EPHA6: variants seen among roughly 807,000 people sequenced by gnomAD.
EPHA6 encodes EPH receptor A6, also known as ephrin type-A receptor 6.
A neutral mutation model predicts 112.0 loss-of-function variants in EPHA6; 50 were observed. That is an observed-to-expected ratio of 0.45 (90% CI 0.36 to 0.56). EPHA6 has a LOEUF of 0.56. Among genes scored for constraint, EPHA6 ranks in the 20% least tolerant of loss-of-function variants. The pLI is 0.00. For synonymous variants in EPHA6, 529 were observed against 490.7 expected (o/e 1.08, Z -1.03); for missense variants, 1,280 against 1,417.4 (o/e 0.90, Z 1.56).
At chr3:97,364,593 CAT>C (rs1409376495) in intron 5 of EPHA6, among the ~76,000 whole-genome samples, 2 of 151,858 alleles carry the variant, frequency 1.3e-5, no homozygotes, top group African/African-American at 4.8e-5. Context: ...AATATAAAAA[CAT>C]AATTTATTTC....
At chr3:96,969,949 CAT>C (rs2042254150) in intron 2 of EPHA6, among the ~76,000 whole-genome samples, 1 of 151,492 alleles carries the variant, frequency 6.6e-6, no homozygotes, top group African/African-American at 2.4e-5. Context: ...TCATTTATTT[CAT>C]ATGTGATGTT....
At chr3:97,179,874 C>T (rs116229703) in intron 3 of EPHA6, among the ~76,000 whole-genome samples, 2,087 of 151,992 alleles carry the variant, frequency 0.014, 45 homozygotes, top group African/African-American at 0.045. Context: ...TCACACAAGG[C>T]GTGCTGTAAC....
intron 1 of EPHA6, among the ~76,000 whole-genome samples, chr3:96,858,391 A>T (rs1228405754): frequency 2.0e-5 from 3 of 152,144 alleles, no homozygotes; most frequent in Non-Finnish European, 4.4e-5. Flanking sequence ...AGCAAAGTAT[A>T]GAACCCAGGA....
At chr3:97,702,075 GTAAC>G (rs1166749012) in intron 14 of EPHA6, among the ~76,000 whole-genome samples, 1 of 152,150 alleles carries the variant, frequency 6.6e-6, no homozygotes, top group African/African-American at 2.4e-5. Flanking sequence ...CAAGGCTAGT[GTAAC>G]TTGCCTGTCA....
intron 3 of EPHA6, among the ~76,000 whole-genome samples, chr3:97,165,758 A>G (rs1194449968): frequency 6.6e-6 from 1 of 152,148 alleles, no homozygotes; most frequent in African/African-American, 2.4e-5. Context: ...AAAGTAGAAG[A>G]GGTAAGGAGC....
intron 3 of EPHA6, among the ~76,000 whole-genome samples, chr3:97,179,012 G>A (rs2076912311): frequency 6.6e-6 from 1 of 151,994 alleles, no homozygotes; most frequent in African/African-American, 2.4e-5. Flanking sequence ...GTAGAATCTA[G>A]AGGCTATTTT....
At chr3:97,082,521 C>A (rs1376674262) in intron 3 of EPHA6, among the ~76,000 whole-genome samples, 1 of 151,822 alleles carries the variant, frequency 6.6e-6, no homozygotes, top group Non-Finnish European at 1.5e-5. Context: ...TGCTTTTATT[C>A]ATCCATATTA....
At chr3:96,937,810 T>A (rs2040685305) in intron 2 of EPHA6, among the ~76,000 whole-genome samples, 1 of 152,214 alleles carries the variant, frequency 6.6e-6, no homozygotes, top group Admixed American at 6.5e-5. Context: ...GGATCCAGTT[T>A]CAGCTTTCTA....
At chr3:97,416,742 T>C (rs2088156146) in intron 6 of EPHA6, among the ~76,000 whole-genome samples, 1 of 152,180 alleles carries the variant, frequency 6.6e-6, no homozygotes, top group South Asian at 2.1e-4. Flanking sequence ...AACAGTATCA[T>C]ATTTGTTTAA....
intron 13 of EPHA6, among the ~76,000 whole-genome samples, chr3:97,613,130 C>T (rs2093734614): frequency 6.6e-6 from 1 of 151,958 alleles, no homozygotes; most frequent in Admixed American, 6.6e-5. Context: ...CTTTAATGTT[C>T]TTACCCTTCT....
chr3:97,379,986 C>T (rs930009921), intron 5 of EPHA6, among the ~76,000 whole-genome samples: 6 of 152,038 alleles, frequency 3.9e-5, no homozygotes, highest in African/African-American at 1.4e-4. Flanking sequence ...TTGCAAAGCT[C>T]ATCCAGGATT....
chr3:97,541,627 C>A (rs1018080528), intron 11 of EPHA6, among the ~76,000 whole-genome samples: 39 of 151,870 alleles, frequency 2.6e-4, no homozygotes, highest in Non-Finnish European at 7.4e-5. Context: ...AATTCTTCAA[C>A]CTTTCCTTGT....
At chr3:97,214,597 G>A (rs2077981070) in intron 3 of EPHA6, among the ~76,000 whole-genome samples, 2 of 151,092 alleles carry the variant, frequency 1.3e-5, no homozygotes. Context: ...TTTGCCATAT[G>A]TATAATATTT....
intron 6 of EPHA6, among the ~76,000 whole-genome samples, chr3:97,408,855 A>T (rs1032518000): frequency 6.6e-6 from 1 of 152,060 alleles, no homozygotes; most frequent in African/African-American, 2.4e-5. Context: ...GGACATAAAC[A>T]TTCAGACTCT....
intron 11 of EPHA6, among the ~76,000 whole-genome samples, chr3:97,574,716 A>T (rs1329721671): frequency 6.6e-6 from 1 of 152,170 alleles, no homozygotes; most frequent in African/African-American, 2.4e-5. Flanking sequence ...ATGAGACAAA[A>T]ATATGAGCAG....
At chr3:97,174,178 C>G (rs1408344799) in intron 3 of EPHA6, among the ~76,000 whole-genome samples, 1 of 151,654 alleles carries the variant, frequency 6.6e-6, no homozygotes, top group Non-Finnish European at 1.5e-5. Flanking sequence ...GCTTATTTCA[C>G]TTAACATAAT....
At chr3:97,388,516 GA>G (rs564331937) in intron 5 of EPHA6, among the ~76,000 whole-genome samples, 16 of 151,828 alleles carry the variant, frequency 1.1e-4, no homozygotes, top group South Asian at 4.2e-4. Context: ...ATTCTTATGG[GA>G]AAAAAAATGA....
intron 12 of EPHA6, among the ~76,000 whole-genome samples, chr3:97,606,541 T>A (rs946832856): frequency 4.0e-5 from 6 of 151,242 alleles, no homozygotes; most frequent in Admixed American, 1.3e-4. Flanking sequence ...CACAGGATTA[T>A]AACAGGAAAA....
At position 97,006,614 on chromosome 3, in the gene EPHA6, T is replaced by G. The variant is rs565475395; in HGVS notation, c.1114+18621T>G. ...TCTTGTCTCTATCTCTTTCAGTTCTTCTCTGGTCTTAGTTATTTCTTGTCT... is the reference window on the plus strand; with the variant it reads ...TCTTGTCTCTATCTCTTTCAGTTCTGCTCTGGTCTTAGTTATTTCTTGTCT... On this transcript the variant is annotated intron_variant, in intron 3 of 17. Coordinates refer to ENST00000389672, the MANE Select transcript of EPHA6 (RefSeq NM_001080448.3). Among the ~76,000 whole-genome samples, 11 of 152,154 alleles carry G rather than the reference T, an allele frequency of 7.2e-5. No homozygotes were observed. In the South Asian group the frequency reaches 1.0e-3, roughly 14 times the overall value.
Sources: allele counts gnomAD v4.1 joint callset (sites outside exome capture counted in the v4.1 genomes callset), GRCh38; gene constraint gnomAD v4.1.1; transcripts MANE v1.5; gene names NCBI Gene and HGNC (gene_info 2026-07-23, HGNC 2026-07-21).